Variants in PSKH2 observed in about 807,000 individuals in gnomAD.
PSKH2 encodes serine/threonine-protein kinase H2.
Under a neutral mutation model 22.5 loss-of-function variants are expected in PSKH2, and 16 were observed. The ratio of observed to expected loss-of-function variants is 0.71; its 90% CI spans 0.48 to 1.08. The LOEUF is 1.08. PSKH2 is among the 50% of genes least tolerant of loss of function. The pLI, the probability that PSKH2 is intolerant of heterozygous loss-of-function variation, is 0.00. For synonymous variants in PSKH2, 188 were observed against 184.8 expected, an observed-to-expected ratio of 1.02 and a Z score of -0.14; for missense variants, 516 against 492.8, an observed-to-expected ratio of 1.05 and a Z score of -0.44.
At chr8:86,053,310 C>T (rs1196476317) in intron 2 of PSKH2, among the ~76,000 whole-genome samples, 1 of 152,176 alleles carries the variant, frequency 6.6e-6, no homozygotes, top group Non-Finnish European at 1.5e-5. Context: ...GTTCTCCCTC[C>T]TATTCTGCCC....
At position 86,064,042 on chromosome 8, in the gene PSKH2, A is replaced by G. The variant is rs775348539; in HGVS notation, c.775T>C (p.Phe259Leu). Residue 259 changes from phenylalanine (F) to leucine (L), a missense_variant, in exon 2 of 3, where the codon TTC becomes CTC. Physicochemically the swap from Phe to Leu is conservative, Grantham distance 22. Transcript: ENST00000276616. ...GVITYALLSG[F>L]LPFDDESQTR... is the part of the protein sequence containing the mutation. The stretch of plus-strand genomic sequence containing the variant: ...TGGCTTTCATCATCAAAAGGCAGGA[A>G]TCCGCTAAGTAAAGCATATGTGATC... 6.2e-7 allele frequency: 1 copy of G among 1,614,126 alleles called. No individual in the cohort carries two copies. The highest frequency in any genetic ancestry group is 1.1e-5 in the South Asian group (1 of 91,066).
intron 2 of PSKH2, among the ~76,000 whole-genome samples, chr8:86,053,915 T>G (rs372192235): frequency 1.7e-4 from 26 of 152,218 alleles, no homozygotes; most frequent in African/African-American, 6.0e-4. Context: ...CACGCAGCGG[T>G]AGTCCCAGCT....
At position 86,064,277 on chromosome 8, in the gene PSKH2, A is replaced by G. The variant is rs1256361360; in HGVS notation, c.540T>C (p.Thr180=). 3 of 1,614,016 alleles carry G rather than the reference A, an allele frequency of 1.9e-6. No homozygotes were observed. The highest frequency in any genetic ancestry group is 2.5e-6 in the Non-Finnish European group (3 of 1,180,034). ...GIRYLHALQI[T]HRNLKPENLL... ...GGTTTTCAGGCTTTAGATTCCTATGAGTTATCTGCAGCGCATGCAAATACC... is the reference window on the plus strand; with the variant it reads ...GGTTTTCAGGCTTTAGATTCCTATGGGTTATCTGCAGCGCATGCAAATACC... Residue 180 remains threonine, a synonymous_variant, in exon 2 of 3, where the codon ACT becomes ACC. Coordinates refer to ENST00000276616, the MANE Select transcript of PSKH2 (RefSeq NM_033126.3).
chr8:86,064,425 T>C lies in PSKH2; in HGVS notation c.392A>G (p.Asp131Gly), dbSNP rs776707071. The part of the protein sequence containing the change: ...VQLMEIFETE[D>G]QVYMVMELAT... The stretch of plus-strand genomic sequence containing the variant: ...CAGCTCCATTACCATGTAAACTTGA[T>C]CCTCAGTCTCAAAGATCTCCATGAG... The change falls in exon 2 of 3, where the codon GAT becomes GGT. Residue 131 changes from aspartate (D) to glycine (G), a missense_variant. By Grantham distance (94) the Asp-to-Gly change is moderately conservative (BLOSUM62 -1). Coordinates refer to ENST00000276616, the MANE Select transcript of PSKH2 (RefSeq NM_033126.3). 6.2e-7 allele frequency: 1 copy of C among 1,614,128 alleles called. No homozygotes were observed. Among genetic ancestry groups the C allele is most frequent in the Admixed American group, 1.7e-5 (1 of 60,014 alleles).
intron 2 of PSKH2, among the ~76,000 whole-genome samples, chr8:86,058,360 C>T (rs374097708): frequency 7.2e-5 from 11 of 152,314 alleles, no homozygotes; most frequent in African/African-American, 2.6e-4. Flanking sequence ...CCAGAATGGA[C>T]CTAATAAACT....
At chr8:86,062,276 C>T (rs1817787577) in intron 2 of PSKH2, among the ~76,000 whole-genome samples, 1 of 152,222 alleles carries the variant, frequency 6.6e-6, no homozygotes, top group African/African-American at 2.4e-5. Flanking sequence ...CAAACATTCT[C>T]TCAGGACTCT....
At chr8:86,053,378 A>G (rs79444466) in intron 2 of PSKH2, among the ~76,000 whole-genome samples, 1,817 of 151,944 alleles carry the variant, frequency 0.012, 30 homozygotes, top group African/African-American at 0.041. Flanking sequence ...TTCCCTCTCC[A>G]GTTTTCTGCA....
chr8:86,068,856 T>C (rs13439338), intron 1 of PSKH2, among the ~76,000 whole-genome samples: 12,777 of 151,520 alleles, frequency 0.084, 1,839 homozygotes, highest in African/African-American at 0.29. Flanking sequence ...CCTCCGAAGA[T>C]AGGAATTCCT....
At chr8:86,049,774 GAA>G (rs1817602575) in intron 2 of PSKH2, among the ~76,000 whole-genome samples, 1 of 123,998 alleles carries the variant, frequency 8.1e-6, no homozygotes, top group Non-Finnish European at 1.8e-5. Context: ...AAAGAGAAAA[GAA>G]AGAAAAAGAA....
At chr8:86,050,971 C>T (rs547217022) in intron 2 of PSKH2, among the ~76,000 whole-genome samples, 53 of 152,184 alleles carry the variant, frequency 3.5e-4, no homozygotes, top group African/African-American at 1.2e-3. Context: ...TTGAACTCCT[C>T]CTGGTCTCAA....
chr8:86,064,653 C>T (rs369748079), intron 1 of PSKH2, 22 bp from the exon 2 acceptor site: 2 of 1,581,554 alleles, frequency 1.3e-6, no homozygotes, highest in Non-Finnish European at 1.7e-6. Flanking sequence ...AAAAACCAAA[C>T]ATGTTATCCC....
At chr8:86,055,980 CTGTGTGTG>C (rs55968832) in intron 2 of PSKH2, among the ~76,000 whole-genome samples, 1 of 149,922 alleles carries the variant, frequency 6.7e-6, no homozygotes, top group African/African-American at 2.5e-5. Flanking sequence ...ATGTGTGTGT[CTGTGTGTG>C]TGTGTGTGTG....
intron 2 of PSKH2, among the ~76,000 whole-genome samples, chr8:86,062,272 T>C (rs1817787493): frequency 6.6e-6 from 1 of 152,244 alleles, no homozygotes; most frequent in South Asian, 2.1e-4. Flanking sequence ...TGTTCAAACA[T>C]TCTCTCAGGA....
At chr8:86,053,711 T>C (rs1817663671) in intron 2 of PSKH2, among the ~76,000 whole-genome samples, 2 of 152,152 alleles carry the variant, frequency 1.3e-5, no homozygotes, top group South Asian at 4.1e-4. Flanking sequence ...TATTTCTCAG[T>C]TCCTTTGCAT....
chr8:86,057,232 G>A (rs776148322), intron 2 of PSKH2, among the ~76,000 whole-genome samples: 1 of 150,058 alleles, frequency 6.7e-6, no homozygotes, highest in Non-Finnish European at 1.5e-5. Context: ...CCCAGATCGT[G>A]TTCTTAATTA....
intron 2 of PSKH2, among the ~76,000 whole-genome samples, chr8:86,049,541 A>G (rs1586055856): frequency 6.7e-6 from 1 of 149,172 alleles, no homozygotes; most frequent in South Asian, 2.2e-4. Flanking sequence ...CCTGGGTGAC[A>G]GAGTGAGACC....
chr8:86,064,001 C>T lies in PSKH2; in HGVS notation c.816G>A (p.Arg272=), dbSNP rs781406445. 6.2e-7 allele frequency: 1 copy of T among 1,613,362 alleles called. No individual in the cohort carries two copies. ...FDDESQTRLY[R]KILKGKYNYT... ...AATTATATTTGCCTTTCAGAATCTT[C>T]CTGTAAAGCCTTGTCTGGCTTTCAT... Residue 272 remains arginine, a synonymous_variant, in exon 2 of 3, where the codon AGG becomes AGA. Transcript: ENST00000276616.
At chr8:86,054,896 C>T (rs1817679005) in intron 2 of PSKH2, among the ~76,000 whole-genome samples, 1 of 152,054 alleles carries the variant, frequency 6.6e-6, no homozygotes, top group African/African-American at 2.4e-5. Flanking sequence ...GTTTTTTGAG[C>T]ACCTACTATT....
At chr8:86,060,643 GTGTTATTTTATTATGGCAGCC>G (rs1161813409) in intron 2 of PSKH2, among the ~76,000 whole-genome samples, 1 of 152,122 alleles carries the variant, frequency 6.6e-6, no homozygotes, top group Non-Finnish European at 1.5e-5. Flanking sequence ...CACCAAACCT[GTGTTATTTTATTATGGCAGCC>G]TGCACTGACT....
Sources: allele counts gnomAD v4.1 joint callset (sites outside exome capture counted in the v4.1 genomes callset), GRCh38; gene constraint gnomAD v4.1.1; transcripts MANE v1.5; gene names NCBI Gene and HGNC (gene_info 2026-07-23, HGNC 2026-07-21).